The following PGM2L1 variants were observed in gnomAD, a reference collection of about 807,000 sequenced individuals.
PGM2L1 encodes the protein phosphoglucomutase 2 like 1.
PGM2L1 carries 35 observed loss-of-function variants against 73.4 expected under a neutral mutation model. The observed-to-expected ratio is 0.48, with a 90% CI of 0.36 to 0.63. The LOEUF (loss-of-function observed/expected upper bound fraction) is 0.63, where lower values mean the gene tolerates loss of function less well. Among genes scored for constraint, PGM2L1 ranks in the 30% least tolerant of loss-of-function variants. The probability of loss-of-function intolerance (pLI) is 0.00; values close to 1 mark genes in which losing one functional copy is unlikely to be tolerated. For missense variants in PGM2L1, 570 were observed against 742.0 expected (o/e 0.77, Z 2.69); for synonymous variants, 225 against 253.8 (o/e 0.89, Z 1.08).
In PGM2L1 at chr11:74,335,988, G is replaced by C. The variant is rs1862089808; in HGVS notation, c.*664C>G. 1 of 152,558 alleles carries C rather than the reference G, an allele frequency of 6.6e-6. No individual in the cohort carries two copies. The highest frequency in any genetic ancestry group is 1.5e-5 in the Non-Finnish European group (1 of 68,032). The allele number at this position is 152,558 out of a possible 1,614,324, so 9.5% of individuals were successfully genotyped here. On this transcript the variant is annotated 3_prime_UTR_variant, in exon 14 of 14. Coordinates refer to ENST00000298198, the MANE Select transcript of PGM2L1 (RefSeq NM_173582.6). ...TAAGAACAAAGCCAATAGGAGTGTT[G>C]CCACTATTGTTTTATGTTCAGTAAA...
At chr11:74,343,239 C>T in intron 10 of PGM2L1, 84 bp downstream of exon 10, 1 of 1,445,578 alleles carries the variant, frequency 6.9e-7, no homozygotes. Flanking sequence ...AAATATGAAA[C>T]CAGAACACAA....
intron 5 of PGM2L1, among the ~76,000 whole-genome samples, chr11:74,352,722 C>T (rs1862376767): frequency 6.6e-6 from 1 of 152,128 alleles, no homozygotes. Flanking sequence ...ACAGAAAAAA[C>T]ATTATCTTAA....
intron 1 of PGM2L1, among the ~76,000 whole-genome samples, chr11:74,378,018 C>T (rs1275639503): frequency 6.6e-6 from 1 of 151,890 alleles, no homozygotes; most frequent in Non-Finnish European, 1.5e-5. Context: ...ACATACATAC[C>T]AGGCTGGGCA....
intron 1 of PGM2L1, among the ~76,000 whole-genome samples, chr11:74,388,313 T>C (rs1163939472): frequency 7.8e-6 from 1 of 127,708 alleles, no homozygotes. Context: ...TGCTAAGTGT[T>C]CTTAATATGA....
At position 74,334,556 on chromosome 11, in the gene PGM2L1, T is replaced by C. The variant is rs1393031927; in HGVS notation, c.*2096A>G. On this transcript the variant is annotated 3_prime_UTR_variant, in exon 14 of 14. Coordinates refer to ENST00000298198, the MANE Select transcript of PGM2L1 (RefSeq NM_173582.6). ...GCTAGCTGTCTATTATCTACAGTCATACAGTCATATAAGATCCAACAATAA... is the reference window on the plus strand; with the variant it reads ...GCTAGCTGTCTATTATCTACAGTCACACAGTCATATAAGATCCAACAATAA... 1.3e-5 allele frequency: 2 copies of C among 152,214 alleles called. No individual in the cohort carries two copies. Among genetic ancestry groups the C allele is most frequent in the Admixed American group, 6.5e-5 (1 of 15,282 alleles). The allele number at this position is 152,214 out of a possible 1,614,324, so 9.4% of individuals were successfully genotyped here. A position where few individuals can be genotyped will look rare whatever the true frequency, so the allele number is the denominator to read the frequency against.
chr11:74,390,483 T>C (rs1359831132), intron 1 of PGM2L1, among the ~76,000 whole-genome samples: 4 of 152,248 alleles, frequency 2.6e-5, no homozygotes, highest in African/African-American at 4.8e-5. Flanking sequence ...CATTCACCTA[T>C]TGAAGGACAT....
chr11:74,385,899 T>C (rs752698992), intron 1 of PGM2L1, among the ~76,000 whole-genome samples: 3 of 152,208 alleles, frequency 2.0e-5, no homozygotes, highest in Non-Finnish European at 4.4e-5. Context: ...ATGTCATCTT[T>C]ACATGTTATA....
rs1863213295 is a variant in PGM2L1, at chr11:74,398,266, G to A, written c.-105C>T. ...AGGGTCCAGGCGTCCCCACCTCACT[G>A]AAGGGCATCGGAGACCAACCGCAGG... On this transcript the variant is annotated 5_prime_UTR_variant, in exon 1 of 14. Transcript: ENST00000298198. 5 of 1,422,836 alleles carry A rather than the reference G, an allele frequency of 3.5e-6. No homozygotes were observed. In the South Asian group the frequency reaches 4.5e-5, roughly 13 times the overall value. 88.1% of individuals were successfully genotyped at this position (1,422,836 alleles called of 1,614,324 possible). A position where few individuals can be genotyped will look rare whatever the true frequency, so the allele number is the denominator to read the frequency against.
At chr11:74,392,768 C>T (rs1204214955) in intron 1 of PGM2L1, among the ~76,000 whole-genome samples, 1 of 152,232 alleles carries the variant, frequency 6.6e-6, no homozygotes, top group Non-Finnish European at 1.5e-5. Flanking sequence ...TCTCGATCTC[C>T]TGACCTTGTG....
chr11:74,383,995 G>T (rs976484885), intron 1 of PGM2L1, among the ~76,000 whole-genome samples: 1 of 151,572 alleles, frequency 6.6e-6, no homozygotes, highest in Admixed American at 6.6e-5. Context: ...CTTAACCTGT[G>T]GATTAATGTC....
intron 13 of PGM2L1, among the ~76,000 whole-genome samples, chr11:74,337,304 C>T (rs1167060168): frequency 6.6e-6 from 1 of 152,220 alleles, no homozygotes; most frequent in Non-Finnish European, 1.5e-5. Flanking sequence ...ATTTTAAAAG[C>T]TACACAACAA....
In PGM2L1 at chr11:74,342,639, T is replaced by TA. The variant is rs1862200956; in HGVS notation, c.1453_1454insT (p.His485LeufsTer12). ...CAAGAAATAGGAAGTTTTTGAAATA[T>TA]GATAACCATATCTGTGCAAAGATTC... On this transcript the variant is annotated frameshift_variant, in exon 12 of 14. Transcript: ENST00000298198. LOFTEE classifies it high-confidence loss of function. The TA allele has an allele frequency of 6.3e-7, 1 of 1,578,634 alleles. No homozygotes were observed. Among genetic ancestry groups the TA allele is most frequent in the African/African-American group, 1.4e-5 (1 of 73,252 alleles).
At chr11:74,346,163 C>T (rs896709121) in intron 8 of PGM2L1, among the ~76,000 whole-genome samples, 4 of 148,776 alleles carry the variant, frequency 2.7e-5, no homozygotes, top group South Asian at 4.3e-4. Flanking sequence ...ACTTAGGAGG[C>T]TGAGGCAGGA....
At chr11:74,350,361 G>T (rs941643902) in intron 6 of PGM2L1, among the ~76,000 whole-genome samples, 5 of 152,122 alleles carry the variant, frequency 3.3e-5, no homozygotes, top group African/African-American at 4.8e-5. Flanking sequence ...ATGGAAATAT[G>T]GAAATGGTTA....
chr11:74,377,773 T>C (rs761595528), intron 1 of PGM2L1, among the ~76,000 whole-genome samples: 8 of 152,234 alleles, frequency 5.3e-5, no homozygotes, highest in Non-Finnish European at 1.0e-4. Flanking sequence ...TCTATGTGAA[T>C]AATTTTTTAC....
At position 74,384,112 on chromosome 11, in the gene PGM2L1, CCT is replaced by C. The variant is rs555148794; in HGVS notation, c.112-9532_112-9531del. Among the ~76,000 whole-genome samples, 69 of 151,812 alleles carry C rather than the reference CCT, an allele frequency of 4.5e-4. No individual in the cohort carries two copies. In the South Asian group the frequency reaches 0.014, roughly 31 times the overall value. Reference sequence around the variant, plus strand: ...TCCTGTATCATCTTATGTCTCGTAGCCTCTCTTTTACTCCCCCACTCCCCCCG... The same window carrying C: ...TCCTGTATCATCTTATGTCTCGTAGCCTCTTTTACTCCCCCACTCCCCCCG... On this transcript the variant is annotated intron_variant, in intron 1 of 13. Coordinates refer to ENST00000298198, the MANE Select transcript of PGM2L1 (RefSeq NM_173582.6).
intron 5 of PGM2L1, among the ~76,000 whole-genome samples, chr11:74,364,004 AG>A: frequency 6.6e-6 from 1 of 152,214 alleles, no homozygotes; most frequent in Non-Finnish European, 1.5e-5. Context: ...CACATCAAAA[AG>A]CTTATCCACC....
chr11:74,386,976 A>G (rs147001576), intron 1 of PGM2L1, among the ~76,000 whole-genome samples: 32 of 152,388 alleles, frequency 2.1e-4, no homozygotes, highest in African/African-American at 7.0e-4. Flanking sequence ...CAAAGTTAGC[A>G]AAATATATGA....
At chr11:74,344,236 TAATATAAG>T (rs1218542937) in intron 9 of PGM2L1, among the ~76,000 whole-genome samples, 1 of 152,154 alleles carries the variant, frequency 6.6e-6, no homozygotes, top group East Asian at 1.9e-4. Context: ...TTACAACCAC[TAATATAAG>T]AGTGCCTATG....
Sources: gnomAD v4.1 joint callset for allele counts (sites outside exome capture counted in the v4.1 genomes callset) on GRCh38, gnomAD v4.1.1 for gene constraint, MANE v1.5 for transcripts, NCBI Gene and HGNC (gene_info 2026-07-23, HGNC 2026-07-21) for gene names.